The following PTPRB variants were observed in gnomAD, a reference collection of about 807,000 sequenced individuals.
PTPRB encodes the protein protein tyrosine phosphatase receptor type B, also known as receptor-type tyrosine-protein phosphatase beta.
Under a neutral mutation model 238.1 loss-of-function variants are expected in PTPRB, and 97 were observed. That is an observed-to-expected ratio of 0.41 (90% CI 0.35 to 0.48). The LOEUF (loss-of-function observed/expected upper bound fraction) is 0.48. Among genes scored for constraint, PTPRB ranks in the 20% least tolerant of loss-of-function variants. PTPRB has a pLI of 0.30. For synonymous variants in PTPRB, 970 were observed against 995.4 expected (o/e 0.97, Z 0.48); for missense variants, 2,292 against 2,681.9 (o/e 0.85, Z 3.21).
chr12:70,634,585 C>T (rs1039444103), intron 2 of PTPRB, among the ~76,000 whole-genome samples: 9 of 152,208 alleles, frequency 5.9e-5, no homozygotes, highest in South Asian at 4.1e-4. Context: ...GCATTAGCTA[C>T]GGGAATGTGT....
chr12:70,534,339 C>T (rs541393491), intron 31 of PTPRB, 149 bp downstream of exon 31: 21 of 794,390 alleles, frequency 2.6e-5, no homozygotes, highest in Admixed American at 5.7e-5. Context: ...AGGGGAGGAA[C>T]GTTATAAAAC....
rs899865546 is a variant in PTPRB, at chr12:70,517,509, C to T, written c.*3980G>A. 2.0e-5 allele frequency: 3 copies of T among 152,188 alleles called. No individual in the cohort carries two copies. The highest frequency in any genetic ancestry group is 2.9e-5 in the Non-Finnish European group (2 of 68,038). The allele number at this position is 152,188 out of a possible 1,614,324, so 9.4% of individuals were successfully genotyped here. ...AAAATAGCAGGGCAGAAAATTAGCA[C>T]GGCATTTTCTCCTTCAACTCTTCAG... On this transcript the variant is annotated 3_prime_UTR_variant, in exon 34 of 34. Transcript: ENST00000334414.
At position 70,631,822 on chromosome 12, in the gene PTPRB, T is replaced by C. The variant is rs527777362; in HGVS notation, c.451+3849A>G. On this transcript the variant is annotated intron_variant, in intron 2 of 33. Transcript: ENST00000334414. The stretch of plus-strand genomic sequence containing the variant: ...GACATTTATGCAGCCAACAGACACA[T>C]GAAAAAATGCTTATCATCACTGGTC... Among the ~76,000 whole-genome samples, 78 of 152,234 alleles carry C rather than the reference T, an allele frequency of 5.1e-4. 1 individual carries two copies. Among genetic ancestry groups the C allele is most frequent in the South Asian group, 4.4e-3 (21 of 4,820 alleles).
chr12:70,539,092 T>A, intron 26 of PTPRB, 78 bp from the exon 27 acceptor site: 1 of 1,131,172 alleles, frequency 8.8e-7, no homozygotes, highest in Non-Finnish European at 1.3e-6. Flanking sequence ...GGAGATAACA[T>A]AATAACATGA....
intron 9 of PTPRB, chr12:70,584,960 T>G (rs933334191): frequency 7.0e-6 from 1 of 141,856 alleles, no homozygotes; most frequent in South Asian, 2.2e-4. Context: ...AAAAAGAAAT[T>G]TCTTTTTTTT....
chr12:70,601,488 C>A (rs1264854099), intron 4 of PTPRB, among the ~76,000 whole-genome samples: 1 of 152,088 alleles, frequency 6.6e-6, no homozygotes, highest in Non-Finnish European at 1.5e-5. Context: ...TGCCTCCCAA[C>A]CAAACAACAG....
Position 70,609,157 on chromosome 12 carries a change from T to C in PTPRB, c.891A>G (p.Gly297=). 1 of 1,613,996 alleles carries C rather than the reference T, an allele frequency of 6.2e-7. No individual in the cohort carries two copies. Among genetic ancestry groups the C allele is most frequent in the Non-Finnish European group, 8.5e-7 (1 of 1,179,868 alleles). The part of the protein sequence containing the change: ...PTFRIDNTTY[G]CNLQDLQAGT... Reference sequence around the variant, plus strand: ...CTGCTTGTAAATCTTGAAGGTTACATCCGTATGTGGTGTTGTCTATCCGAA... The same window carrying C: ...CTGCTTGTAAATCTTGAAGGTTACACCCGTATGTGGTGTTGTCTATCCGAA... The change falls in exon 4 of 34, where the codon GGA becomes GGG. Residue 297 remains glycine (G), a synonymous_variant. Transcript: ENST00000334414.
Position 70,532,036 on chromosome 12 carries a change from T to G in PTPRB, c.6503A>C (p.Glu2168Ala). Residue 2168 changes from glutamate to alanine, a missense_variant and splice_region_variant, in exon 32 of 34, where the codon GAG becomes GCG. By Grantham distance (107) the Glu-to-Ala change is moderately radical (BLOSUM62 -1). Coordinates refer to ENST00000334414, the MANE Select transcript of PTPRB (RefSeq NM_001109754.4). ...TAACTTTCAGTCTATAACTCTTACC[T>G]CAGTCTGGACCATGTGAACCCTGTG... ...RLHRVHMVQT[E>A]CQYVYLHQCV... 6.2e-7 allele frequency: 1 copy of G among 1,613,932 alleles called. No individual in the cohort carries two copies. Among genetic ancestry groups the G allele is most frequent in the East Asian group, 2.2e-5 (1 of 44,880 alleles).
At chr12:70,536,180 GGA>G (rs758931118) in intron 28 of PTPRB, 21 bp from the exon 29 acceptor site, 1 of 1,607,726 alleles carries the variant, frequency 6.2e-7, no homozygotes, top group Non-Finnish European at 8.5e-7. Flanking sequence ...TTTACAATAT[GGA>G]GAGTCAGAAA....
At chr12:70,586,792 C>G (rs1592539607) in intron 9 of PTPRB, among the ~76,000 whole-genome samples, 1 of 152,132 alleles carries the variant, frequency 6.6e-6, no homozygotes, top group East Asian at 1.9e-4. Flanking sequence ...TACTCTTTTT[C>G]AAGTTTAGCA....
intron 27 of PTPRB, chr12:70,538,636 C>G (rs1230664708): frequency 8.2e-6 from 4 of 487,478 alleles, no homozygotes; most frequent in Non-Finnish European, 7.3e-6. Flanking sequence ...ATGTCAGAGC[C>G]CTTGCTGTTA....
At chr12:70,565,173 A>T (rs184271584) in intron 15 of PTPRB, among the ~76,000 whole-genome samples, 4 of 152,174 alleles carry the variant, frequency 2.6e-5, no homozygotes, top group East Asian at 3.9e-4. Flanking sequence ...CATTCAATCC[A>T]TTCCCCCATT....
In PTPRB at chr12:70,622,624, C is replaced by G; in HGVS notation, c.474G>C (p.Ser158=). The change falls in exon 3 of 34, where the codon TCG becomes TCC. Residue 158 remains serine (S), a synonymous_variant. Coordinates refer to ENST00000334414, the MANE Select transcript of PTPRB (RefSeq NM_001109754.4). Reference sequence around the variant, plus strand: ...GAGCCGTGTTTCTAGTGCTCCTCACCGAAACTTCTGCTCCCAGGCCAGCTG... The same window carrying G: ...GAGCCGTGTTTCTAGTGCTCCTCACGGAAACTTCTGCTCCCAGGCCAGCTG... The part of the protein sequence containing the change: ...LQKAGLGAEV[S]VRSTRNTAPP... 2 of 1,574,684 alleles carry G rather than the reference C, an allele frequency of 1.3e-6. No individual in the cohort carries two copies. The highest frequency in any genetic ancestry group is 1.7e-6 in the Non-Finnish European group (2 of 1,156,810).
chr12:70,557,789 T>G (rs746894207), intron 18 of PTPRB, among the ~76,000 whole-genome samples: 1 of 152,212 alleles, frequency 6.6e-6, no homozygotes, highest in African/African-American at 2.4e-5. Context: ...AAGCTCAATG[T>G]ATGCTCTTTT....
At chr12:70,523,030 T>G (rs1314385005) in intron 33 of PTPRB, among the ~76,000 whole-genome samples, 2 of 151,470 alleles carry the variant, frequency 1.3e-5, no homozygotes, top group Admixed American at 1.3e-4. Context: ...GCCCGGCTAA[T>G]TTTTGTATTT....
intron 5 of PTPRB, among the ~76,000 whole-genome samples, chr12:70,595,465 G>C (rs1388704571): frequency 6.6e-6 from 1 of 151,974 alleles, no homozygotes; most frequent in South Asian, 2.1e-4. Flanking sequence ...AGAACTTAAA[G>C]TATAATAAAA....
Position 70,609,207 on chromosome 12 carries a change from G to C in PTPRB, c.841C>G (p.Leu281Val). 1 of 1,614,054 alleles carries C rather than the reference G, an allele frequency of 6.2e-7. No individual in the cohort carries two copies. Among genetic ancestry groups the C allele is most frequent in the Non-Finnish European group, 8.5e-7 (1 of 1,179,902 alleles). Reference sequence around the variant, plus strand: ...AAGGTAGGGCACAACGCGGCCCCCAGGGTGTCACTGCTATAGATGAGGCTA... The same window carrying C: ...AAGGTAGGGCACAACGCGGCCCCCACGGTGTCACTGCTATAGATGAGGCTA... Reference protein sequence around the residue: ...NFSLIYSSDTLGAALCPTFRI... With the variant: ...NFSLIYSSDTVGAALCPTFRI... Residue 281 changes from leucine to valine, a missense_variant, in exon 4 of 34, where the codon CTG becomes GTG. Physicochemically the swap from Leu to Val is conservative, Grantham distance 32 (BLOSUM62 1). Transcript: ENST00000334414.
intron 6 of PTPRB, among the ~76,000 whole-genome samples, chr12:70,593,052 CAATT>C (rs1325233288): frequency 4.7e-5 from 7 of 149,434 alleles, no homozygotes; most frequent in African/African-American, 1.5e-4. Flanking sequence ...ATAGATCGAT[CAATT>C]GATTGATTAC....
chr12:70,555,261 A>G lies in PTPRB; in HGVS notation c.5042T>C (p.Leu1681Pro). Reference sequence around the variant, plus strand: ...AAAGTTGATGGAAGACTTGCTAATTAGCACATCCTTTTCATTCACACGAAT... The same window carrying G: ...AAAGTTGATGGAAGACTTGCTAATTGGCACATCCTTTTCATTCACACGAAT... Reference protein sequence around the residue: ...PHIRVNEKDVLISKSSINFTV... With the variant: ...PHIRVNEKDVPISKSSINFTV... The change falls in exon 20 of 34, where the codon CTA (leucine) becomes CCA (proline). Residue 1681 changes from leucine (L) to proline (P), a missense_variant. Transcript: ENST00000334414. The G allele has an allele frequency of 2.5e-6, 4 of 1,613,754 alleles. No homozygotes were observed. The highest frequency in any genetic ancestry group is 3.4e-6 in the Non-Finnish European group (4 of 1,179,856).
Sources: gnomAD v4.1 joint callset for allele counts (sites outside exome capture counted in the v4.1 genomes callset) on GRCh38, gnomAD v4.1.1 for gene constraint, MANE v1.5 for transcripts, NCBI Gene and HGNC (gene_info 2026-07-23, HGNC 2026-07-21) for gene names.